LRP1B: variants seen among roughly 807,000 people sequenced by gnomAD.
LRP1B encodes low-density lipoprotein receptor-related protein 1B.
LRP1B carries 217 observed loss-of-function variants against 556.6 expected under a neutral mutation model. The ratio of observed to expected loss-of-function variants is 0.39; its 90% CI spans 0.35 to 0.44. LRP1B has a LOEUF of 0.44. Ranked by LOEUF, LRP1B falls within the 20% of genes least tolerant of loss-of-function variation. The pLI, the probability that LRP1B is intolerant of heterozygous loss-of-function variation, is 1.00. For missense variants in LRP1B, 5,053 were observed against 5,620.8 expected (o/e 0.90, Z 3.23); for synonymous variants, 2,047 against 1,865.8 (o/e 1.10, Z -2.50).
intron 1 of LRP1B, among the ~76,000 whole-genome samples, chr2:142,105,875 G>T (rs1189428751): frequency 6.6e-6 from 1 of 152,056 alleles, no homozygotes; most frequent in Non-Finnish European, 1.5e-5. Context: ...GATAATGTAA[G>T]TCTAAATTAG....
intron 7 of LRP1B, among the ~76,000 whole-genome samples, chr2:141,101,028 T>G (rs985018934): frequency 6.6e-6 from 1 of 152,056 alleles, no homozygotes; most frequent in Non-Finnish European, 1.5e-5. Context: ...GGACATACCA[T>G]GCAAGGCCGT....
chr2:141,307,968 G>T (rs571338037), intron 3 of LRP1B, among the ~76,000 whole-genome samples: 104 of 152,254 alleles, frequency 6.8e-4, no homozygotes, highest in Non-Finnish European at 1.2e-3. Context: ...GCTGTGATGG[G>T]CTGGGTAAGC....
At chr2:140,970,712 AC>A (rs1696386784) in intron 18 of LRP1B, among the ~76,000 whole-genome samples, 1 of 126,410 alleles carries the variant, frequency 7.9e-6, no homozygotes, top group African/African-American at 3.3e-5. Context: ...TAATTTTTTA[AC>A]CTTTTTTTTT....
At position 140,339,559 on chromosome 2, in the gene LRP1B, C is replaced by T. The variant is rs62171635; in HGVS notation, c.11893-3721G>A. On this transcript the variant is annotated intron_variant, in intron 77 of 90. Transcript: ENST00000389484. ...TTGTATTAAAACAAAGATGTAGAAC[C>T]ACTGTCAAGAAATTGTGTGCGTGTG... Among the ~76,000 whole-genome samples the T allele has an allele frequency of 4.2e-3, 639 of 151,508 alleles. 7 individuals are homozygous for T. Among genetic ancestry groups the T allele is most frequent in the South Asian group, 0.03 (146 of 4,812 alleles).
chr2:141,657,997 C>A (rs1249592174), intron 2 of LRP1B, among the ~76,000 whole-genome samples: 1 of 152,142 alleles, frequency 6.6e-6, no homozygotes, highest in East Asian at 1.9e-4. Flanking sequence ...GCCTTAAATA[C>A]AGTACCACAA....
chr2:140,746,778 T>C (rs1286405716), intron 35 of LRP1B, among the ~76,000 whole-genome samples: 3 of 152,016 alleles, frequency 2.0e-5, no homozygotes, highest in African/African-American at 7.3e-5. Context: ...CAAAATGAAG[T>C]CATTTTATGC....
chr2:141,150,568 G>C (rs940181485), intron 7 of LRP1B, among the ~76,000 whole-genome samples: 1 of 152,070 alleles, frequency 6.6e-6, no homozygotes, highest in Non-Finnish European at 1.5e-5. Context: ...ATATTTCTTT[G>C]CTACGAGAAA....
At chr2:141,544,369 TC>T (rs1290268346) in intron 2 of LRP1B, among the ~76,000 whole-genome samples, 52 of 113,666 alleles carry the variant, frequency 4.6e-4, no homozygotes, top group South Asian at 1.1e-3. Flanking sequence ...TTCTTCTTCT[TC>T]TTCTTCTTCT....
At chr2:140,445,513 T>A (rs1334124408) in intron 63 of LRP1B, among the ~76,000 whole-genome samples, 1 of 152,170 alleles carries the variant, frequency 6.6e-6, no homozygotes, top group South Asian at 2.1e-4. Flanking sequence ...AATCCGATTA[T>A]TATACAAGAG....
At chr2:140,635,840 A>G (rs1370280407) in intron 41 of LRP1B, among the ~76,000 whole-genome samples, 1 of 152,128 alleles carries the variant, frequency 6.6e-6, no homozygotes, top group Non-Finnish European at 1.5e-5. Context: ...TGGTAATTTA[A>G]TAGGATTCAT....
At chr2:141,770,534 C>T (rs1256857874) in intron 2 of LRP1B, among the ~76,000 whole-genome samples, 1 of 152,228 alleles carries the variant, frequency 6.6e-6, no homozygotes, top group African/African-American at 2.4e-5. Context: ...CTGACTGCCA[C>T]AGCTATAAAT....
chr2:141,863,229 T>C (rs1698307973), intron 1 of LRP1B, among the ~76,000 whole-genome samples: 1 of 152,238 alleles, frequency 6.6e-6, no homozygotes, highest in South Asian at 2.1e-4. Context: ...ATTTATTTAA[T>C]ACTCATTTAT....
intron 7 of LRP1B, among the ~76,000 whole-genome samples, chr2:141,125,595 C>G (rs1392972644): frequency 2.0e-5 from 3 of 152,132 alleles, no homozygotes; most frequent in Admixed American, 6.6e-5. Flanking sequence ...CGCCCTTGCA[C>G]AGTGAAGGCA....
chr2:141,644,240 G>C (rs76446728), intron 2 of LRP1B, among the ~76,000 whole-genome samples: 8,063 of 152,064 alleles, frequency 0.053, 229 homozygotes, highest in South Asian at 0.085. Context: ...GAGGAACCCG[G>C]TGGGAGGTAA....
intron 7 of LRP1B, among the ~76,000 whole-genome samples, chr2:141,073,804 T>G (rs1039871202): frequency 6.6e-6 from 1 of 152,042 alleles, no homozygotes; most frequent in South Asian, 2.1e-4. Flanking sequence ...ATGTCCAACT[T>G]ATCACCACAT....
At chr2:140,793,759 T>C (rs574140325) in intron 32 of LRP1B, among the ~76,000 whole-genome samples, 1 of 152,074 alleles carries the variant, frequency 6.6e-6, no homozygotes, top group East Asian at 1.9e-4. Flanking sequence ...TTTACCAAAA[T>C]ATTATGTCAT....
chr2:141,180,737 A>T (rs1249856008), intron 7 of LRP1B, among the ~76,000 whole-genome samples: 1 of 151,900 alleles, frequency 6.6e-6, no homozygotes, highest in African/African-American at 2.4e-5. Context: ...AAACCCTATC[A>T]TTTTTCTTGA....
intron 3 of LRP1B, among the ~76,000 whole-genome samples, chr2:141,408,740 T>C (rs1308868340): frequency 5.9e-5 from 9 of 152,132 alleles, no homozygotes; most frequent in Admixed American, 5.9e-4. Context: ...ACTCTGAATA[T>C]TAGTTGCTAT....
intron 25 of LRP1B, among the ~76,000 whole-genome samples, chr2:140,871,573 G>C (rs1280782462): frequency 1.3e-5 from 2 of 152,116 alleles, no homozygotes; most frequent in Non-Finnish European, 2.9e-5. Flanking sequence ...TCATCTCATA[G>C]AATTTCTTTC....
Sources: allele counts gnomAD v4.1 joint callset (sites outside exome capture counted in the v4.1 genomes callset), GRCh38; gene constraint gnomAD v4.1.1; transcripts MANE v1.5; gene names NCBI Gene and HGNC (gene_info 2026-07-23, HGNC 2026-07-21).